AGBL4: variants seen among roughly 807,000 people sequenced by gnomAD.
The protein encoded by AGBL4 is AGBL carboxypeptidase 4.
AGBL4 carries 58 observed loss-of-function variants against 66.4 expected under a neutral mutation model. The observed-to-expected ratio is 0.87, with a 90% CI of 0.71 to 1.09. The LOEUF is 1.09. Among genes scored for constraint, AGBL4 ranks in the 50% least tolerant of loss-of-function variants. The pLI, the probability that AGBL4 is intolerant of heterozygous loss-of-function variation, is 0.00. For synonymous variants in AGBL4, 234 were observed against 222.9 expected (o/e 1.05, Z -0.44); for missense variants, 579 against 631.0 (o/e 0.92, Z 0.88).
At chr1:49,595,625 A>G (rs1028145544) in intron 3 of AGBL4, among the ~76,000 whole-genome samples, 1 of 151,860 alleles carries the variant, frequency 6.6e-6, no homozygotes, top group African/African-American at 2.4e-5. Flanking sequence ...TTTTTTTTTA[A>G]TGGTGTTTCT....
chr1:49,757,583 A>G (rs1197379580), intron 2 of AGBL4, among the ~76,000 whole-genome samples: 1 of 152,188 alleles, frequency 6.6e-6, no homozygotes, highest in African/African-American at 2.4e-5. Flanking sequence ...GATATGGACA[A>G]TGAAGTCCAG....
chr1:49,203,498 G>A (rs1647886607), intron 4 of AGBL4, among the ~76,000 whole-genome samples: 1 of 152,166 alleles, frequency 6.6e-6, no homozygotes, highest in South Asian at 2.1e-4. Context: ...GACATGGTAA[G>A]TGAAGCCAAC....
At chr1:49,851,651 G>A in intron 1 of AGBL4, 133 bp from the exon 2 acceptor site, 1 of 818,808 alleles carries the variant, frequency 1.2e-6, no homozygotes, top group Non-Finnish European at 1.8e-6. Flanking sequence ...ACCACATTGT[G>A]GTACAGTGAA....
chr1:48,794,734 A>G (rs1645628789), intron 6 of AGBL4, among the ~76,000 whole-genome samples: 1 of 152,086 alleles, frequency 6.6e-6, no homozygotes, highest in African/African-American at 2.4e-5. Context: ...CTTGACCCCC[A>G]TTTCAGATGT....
intron 1 of AGBL4, among the ~76,000 whole-genome samples, chr1:49,962,936 A>C (rs2148346794): frequency 6.6e-6 from 1 of 152,230 alleles, no homozygotes; most frequent in East Asian, 1.9e-4. Flanking sequence ...CAAGATTCAA[A>C]CCCAGACTTC....
chr1:48,738,361 T>C (rs778455916), intron 6 of AGBL4, among the ~76,000 whole-genome samples: 21 of 152,354 alleles, frequency 1.4e-4, no homozygotes, highest in Non-Finnish European at 2.5e-4. Context: ...ACTGCAAATC[T>C]GTTCATCCGC....
intron 3 of AGBL4, among the ~76,000 whole-genome samples, chr1:49,389,583 G>A (rs1039286093): frequency 4.6e-5 from 7 of 152,068 alleles, no homozygotes; most frequent in African/African-American, 4.8e-5. Context: ...CCTGAACTAA[G>A]CTGGTTTCCT....
At chr1:48,698,198 G>C (rs1471057316) in intron 6 of AGBL4, among the ~76,000 whole-genome samples, 1 of 152,196 alleles carries the variant, frequency 6.6e-6, no homozygotes, top group Non-Finnish European at 1.5e-5. Flanking sequence ...CACTGAGGAT[G>C]GTTACCAGGC....
chr1:49,920,863 G>A (rs1652154581), intron 1 of AGBL4, among the ~76,000 whole-genome samples: 1 of 152,128 alleles, frequency 6.6e-6, no homozygotes, highest in African/African-American at 2.4e-5. Context: ...ATGAAAGACT[G>A]GATTAAGAAA....
chr1:48,942,272 C>T (rs1656044290), intron 5 of AGBL4, among the ~76,000 whole-genome samples: 3 of 151,358 alleles, frequency 2.0e-5, no homozygotes, highest in Admixed American at 6.6e-5. Flanking sequence ...CCCATTCCTC[C>T]AATCGTCTAC....
chr1:49,404,146 C>A (rs1355275227), intron 3 of AGBL4, among the ~76,000 whole-genome samples: 1 of 152,024 alleles, frequency 6.6e-6, no homozygotes, highest in East Asian at 1.9e-4. Context: ...TACATTAAAG[C>A]CCCAACCCCT....
At chr1:48,737,320 C>A (rs1456283716) in intron 6 of AGBL4, among the ~76,000 whole-genome samples, 2 of 152,216 alleles carry the variant, frequency 1.3e-5, no homozygotes, top group East Asian at 3.9e-4. Context: ...AAAAAAAAAT[C>A]ATCAGTTCGT....
chr1:50,009,947 G>A (rs1661409326), intron 1 of AGBL4, among the ~76,000 whole-genome samples: 1 of 152,086 alleles, frequency 6.6e-6, no homozygotes, highest in Non-Finnish European at 1.5e-5. Flanking sequence ...AACCAAAGAA[G>A]TGAAAGCTCT....
chr1:49,928,544 C>T (rs564107996), intron 1 of AGBL4, among the ~76,000 whole-genome samples: 13 of 152,100 alleles, frequency 8.5e-5, no homozygotes, highest in East Asian at 7.7e-4. Flanking sequence ...CCACCGCACC[C>T]GGGCTGAAGT....
chr1:48,779,022 G>A (rs1331081180), intron 6 of AGBL4, among the ~76,000 whole-genome samples: 1 of 152,148 alleles, frequency 6.6e-6, no homozygotes, highest in East Asian at 1.9e-4. Context: ...TTACTGTCAT[G>A]ATTATGATTT....
rs1307025317 is a variant in AGBL4 at position 49,236,189 on chromosome 1, C to T, written c.377+9581G>A. 1.2e-4 allele frequency among the ~76,000 whole-genome samples: 18 copies of T among 152,012 alleles called. No homozygotes were observed. In the East Asian group the frequency reaches 3.5e-3, roughly 30 times the overall value. ...GGATTATAGGTGCCCACCACCATGCCTGGCTAATTTTTTTTTGTATTAGAA... is the reference window on the plus strand; with the variant it reads ...GGATTATAGGTGCCCACCACCATGCTTGGCTAATTTTTTTTTGTATTAGAA... On this transcript the variant is annotated intron_variant, in intron 4 of 13. Transcript: ENST00000371839.
intron 2 of AGBL4, among the ~76,000 whole-genome samples, chr1:49,802,419 GTAAC>G (rs1644882922): frequency 6.6e-6 from 1 of 152,108 alleles, no homozygotes; most frequent in Non-Finnish European, 1.5e-5. Context: ...TGGATTGTTT[GTAAC>G]CAGCTTTTGC....
intron 3 of AGBL4, among the ~76,000 whole-genome samples, chr1:49,636,330 G>T (rs1179811778): frequency 6.6e-6 from 1 of 152,100 alleles, no homozygotes; most frequent in Non-Finnish European, 1.5e-5. Context: ...ATGGTATATT[G>T]CTGAGAGAAA....
chr1:48,964,992 T>C (rs967521870), intron 5 of AGBL4, among the ~76,000 whole-genome samples: 1 of 152,290 alleles, frequency 6.6e-6, no homozygotes, highest in Non-Finnish European at 1.5e-5. Flanking sequence ...TTCCACTATA[T>C]CACACTACCT....
Sources: allele counts gnomAD v4.1 joint callset (sites outside exome capture counted in the v4.1 genomes callset), GRCh38; gene constraint gnomAD v4.1.1; transcripts MANE v1.5; gene names NCBI Gene and HGNC (gene_info 2026-07-23, HGNC 2026-07-21).